ITGA6: variants seen among roughly 807,000 people sequenced by gnomAD.
ITGA6 encodes integrin alpha-6.
ITGA6 carries 63 observed loss-of-function variants against 133.6 expected under a neutral mutation model. The observed-to-expected ratio is 0.47, with a 90% CI of 0.38 to 0.58. The LOEUF (loss-of-function observed/expected upper bound fraction) is 0.58. ITGA6 is among the 20% of genes least tolerant of loss of function. ITGA6 has a pLI of 0.00. For synonymous variants in ITGA6, 434 were observed against 482.0 expected, an observed-to-expected ratio of 0.90 and a Z score of 1.30; for missense variants, 1,068 against 1,309.4, an observed-to-expected ratio of 0.82 and a Z score of 2.85.
intron 9 of ITGA6, among the ~76,000 whole-genome samples, chr2:172,479,412 A>G (rs1386670086): frequency 1.3e-5 from 2 of 152,352 alleles, no homozygotes; most frequent in African/African-American, 2.4e-5. Context: ...ACATGTACTC[A>G]TAAGTGTGTA....
At chr2:172,440,336 C>T (rs1684489031) in intron 1 of ITGA6, among the ~76,000 whole-genome samples, 1 of 151,954 alleles carries the variant, frequency 6.6e-6, no homozygotes. Context: ...AGAACAGGAA[C>T]CAGGGTAAAC....
At chr2:172,484,286 A>G (rs560406538) in intron 11 of ITGA6, among the ~76,000 whole-genome samples, 13 of 152,334 alleles carry the variant, frequency 8.5e-5, no homozygotes, top group African/African-American at 3.1e-4. Flanking sequence ...CTGCTTCCGT[A>G]GGTGTGACTG....
rs1314767560 is a variant in ITGA6 at position 172,487,032 on chromosome 2, T to G, written c.1864T>G (p.Leu622Val). ...PKTAHIDVHFLKEGCGDDNVC... is the reference protein window; with the variant it reads ...PKTAHIDVHFVKEGCGDDNVC... ...TTTCGTTTTCCTACAGGTTCACTTCTTAAAAGAGGGATGTGGAGACGACAA... is the reference window on the plus strand; with the variant it reads ...TTTCGTTTTCCTACAGGTTCACTTCGTAAAAGAGGGATGTGGAGACGACAA... Residue 622 changes from leucine (L) to valine (V), a missense_variant, in exon 14 of 26, where the codon TTA (leucine) becomes GTA (valine). Leu to Val is a conservative substitution (Grantham distance 32). This residue lies in a region of ITGA6 where 609 missense variants were observed against 707.2 expected (regional missense o/e 0.86). Transcript: ENST00000684293. The G allele has an allele frequency of 6.2e-7, 1 of 1,601,192 alleles. No individual in the cohort carries two copies. Among genetic ancestry groups the G allele is most frequent in the African/African-American group, 1.3e-5 (1 of 74,748 alleles).
At chr2:172,442,182 C>T (rs571929706) in intron 1 of ITGA6, among the ~76,000 whole-genome samples, 1 of 152,288 alleles carries the variant, frequency 6.6e-6, no homozygotes, top group African/African-American at 2.4e-5. Flanking sequence ...CCGCCACACC[C>T]CTCATTCATT....
At chr2:172,439,905 C>T (rs902404755) in intron 1 of ITGA6, among the ~76,000 whole-genome samples, 4 of 152,080 alleles carry the variant, frequency 2.6e-5, no homozygotes, top group Non-Finnish European at 5.9e-5. Flanking sequence ...TAAATCTTGC[C>T]CTTAATAGAA....
intron 1 of ITGA6, among the ~76,000 whole-genome samples, chr2:172,452,311 A>G (rs1487274804): frequency 2.0e-5 from 3 of 152,270 alleles, no homozygotes; most frequent in Non-Finnish European, 2.9e-5. Context: ...GGCTTCCTTG[A>G]TTTCTTCCAG....
At chr2:172,490,012 T>TAGAA (rs1686855283) in intron 20 of ITGA6, 2 of 239,690 alleles carry the variant, frequency 8.3e-6, no homozygotes, top group South Asian at 1.2e-4. Context: ...TCACTCCAAG[T>TAGAA]AGAACCAAAC....
At chr2:172,485,397 A>G in intron 13 of ITGA6, 133 bp downstream of exon 13, 2 of 833,676 alleles carry the variant, frequency 2.4e-6, no homozygotes, top group Admixed American at 3.7e-5. Flanking sequence ...TTTTTAATGT[A>G]CGCAAAGTTA....
chr2:172,462,058 G>A (rs995031186), intron 1 of ITGA6, among the ~76,000 whole-genome samples: 81 of 152,368 alleles, frequency 5.3e-4, no homozygotes, highest in African/African-American at 1.9e-3. Context: ...AAACCAGGGA[G>A]GGCAGCTTTA....
At chr2:172,438,999 G>A (rs1684434166) in intron 1 of ITGA6, among the ~76,000 whole-genome samples, 1 of 151,980 alleles carries the variant, frequency 6.6e-6, no homozygotes, top group African/African-American at 2.4e-5. Flanking sequence ...AGAGAACCAC[G>A]ACTTTTTATT....
At chr2:172,467,789 CCAGCCTGA>C (rs1156551668) in intron 3 of ITGA6, among the ~76,000 whole-genome samples, 2 of 152,060 alleles carry the variant, frequency 1.3e-5, no homozygotes, top group Non-Finnish European at 2.9e-5. Flanking sequence ...GGGTTTGAGA[CCAGCCTGA>C]CCAATATGAT....
intron 9 of ITGA6, among the ~76,000 whole-genome samples, chr2:172,476,775 A>G (rs1042117330): frequency 1.3e-5 from 2 of 152,216 alleles, no homozygotes; most frequent in African/African-American, 4.8e-5. Context: ...GATGATGAAA[A>G]AAACAAAACA....
chr2:172,499,898 A>T (rs1489158373), intron 24 of ITGA6, among the ~76,000 whole-genome samples: 6 of 150,546 alleles, frequency 4.0e-5, no homozygotes, highest in African/African-American at 1.5e-4. Flanking sequence ...TGATTGGATT[A>T]TTAGATGATT....
rs141613301 is a variant in ITGA6, at chr2:172,451,456, C to T, written c.183-14083C>T. On this transcript the variant is annotated intron_variant, in intron 1 of 25. Transcript: ENST00000684293. Reference sequence around the variant, plus strand: ...CTTCAGCCTGGGCAACAGAGCGAGACTATCTTAAAAAAAAAAAAAAAAGGG... The same window carrying T: ...CTTCAGCCTGGGCAACAGAGCGAGATTATCTTAAAAAAAAAAAAAAAAGGG... 9.1e-3 allele frequency among the ~76,000 whole-genome samples: 1,259 copies of T among 137,848 alleles called. 11 individuals carry two copies. Among genetic ancestry groups the T allele is most frequent in the Middle Eastern group, 0.018 (5 of 274 alleles). 90.4% of individuals were successfully genotyped at this position (137,848 alleles called of 152,430 possible). A position where few individuals can be genotyped will look rare whatever the true frequency, so the allele number is the denominator to read the frequency against.
chr2:172,443,808 C>T (rs1684638573), intron 1 of ITGA6, among the ~76,000 whole-genome samples: 1 of 152,232 alleles, frequency 6.6e-6, no homozygotes, highest in Admixed American at 6.5e-5. Flanking sequence ...GGGTCTCACG[C>T]TTTCGCCCAG....
intron 1 of ITGA6, among the ~76,000 whole-genome samples, chr2:172,439,302 T>C (rs1220671630): frequency 6.6e-6 from 1 of 151,938 alleles, no homozygotes; most frequent in Non-Finnish European, 1.5e-5. Flanking sequence ...AAATGACGAA[T>C]GGCCTTGTTG....
At chr2:172,474,330 T>C (rs1000060806) in intron 6 of ITGA6, 65 bp downstream of exon 6, 1 of 1,393,374 alleles carries the variant, frequency 7.2e-7, no homozygotes, top group Non-Finnish European at 1.0e-6. Context: ...TCTATACGAC[T>C]GGAGAAGAGC....
chr2:172,489,626 C>T lies in ITGA6; in HGVS notation c.2647C>T (p.Pro883Ser). 4 of 1,613,916 alleles carry T rather than the reference C, an allele frequency of 2.5e-6. No individual in the cohort carries two copies. Among genetic ancestry groups the T allele is most frequent in the Non-Finnish European group, 3.4e-6 (4 of 1,179,868 alleles). Residue 883 changes from proline to serine, a missense_variant, in exon 20 of 26, where the codon CCA becomes TCA. Pro to Ser is a moderately conservative substitution (Grantham distance 74, BLOSUM62 -1). This residue lies in a region of ITGA6 where 609 missense variants were observed against 707.2 expected (regional missense o/e 0.86). Transcript: ENST00000684293. ...AGGATTGGAAAAGGTAACTTGTGAG[C>T]CACAAAAGGAGATAAACTCCCTGAA... Reference protein sequence around the residue: ...SKGLEKVTCEPQKEINSLNLT... With the variant: ...SKGLEKVTCESQKEINSLNLT...
chr2:172,455,948 A>C (rs1685189412), intron 1 of ITGA6, among the ~76,000 whole-genome samples: 3 of 152,236 alleles, frequency 2.0e-5, no homozygotes, highest in Admixed American at 6.5e-5. Flanking sequence ...GGATAAACGC[A>C]CAAACAAGCT....
Sources: allele counts gnomAD v4.1 joint callset (sites outside exome capture counted in the v4.1 genomes callset), GRCh38; gene constraint gnomAD v4.1.1; regional missense constraint gnomAD v4.1.1; transcripts MANE v1.5; gene names NCBI Gene and HGNC (gene_info 2026-07-23, HGNC 2026-07-21).